The following PCDH15 variants were observed in gnomAD, a reference collection of about 807,000 sequenced individuals.
PCDH15 encodes the protein protocadherin related 15, also known as protocadherin-15.
Under a neutral mutation model 178.5 loss-of-function variants are expected in PCDH15, and 129 were observed. The ratio of observed to expected loss-of-function variants is 0.72; its 90% CI spans 0.63 to 0.84. The LOEUF is 0.84. PCDH15 is among the 40% of genes least tolerant of loss of function. The pLI is 0.00. For synonymous variants in PCDH15, 800 were observed against 732.0 expected, an observed-to-expected ratio of 1.09 and a Z score of -1.50; for missense variants, 2,230 against 2,099.9, an observed-to-expected ratio of 1.06 and a Z score of -1.21.
At chr10:54,818,980 T>A (rs1018935941) in intron 3 of PCDH15, among the ~76,000 whole-genome samples, 1 of 152,026 alleles carries the variant, frequency 6.6e-6, no homozygotes, top group Non-Finnish European at 1.5e-5. Flanking sequence ...ACTGAAGAGC[T>A]GTGGGGTGAT....
chr10:54,258,028 G>A (rs928658192), intron 8 of PCDH15, among the ~76,000 whole-genome samples: 1 of 152,008 alleles, frequency 6.6e-6, no homozygotes, highest in Non-Finnish European at 1.5e-5. Context: ...AAAATCAGAT[G>A]TTTAACATGT....
chr10:53,903,398 T>A (rs760187137), intron 25 of PCDH15, 28 bp from the exon 26 acceptor site: 3 of 1,609,954 alleles, frequency 1.9e-6, no homozygotes, highest in South Asian at 2.2e-5. Flanking sequence ...ATGCATTTTT[T>A]ATTGGTGGTT....
intron 1 of PCDH15, among the ~76,000 whole-genome samples, chr10:54,764,835 A>G (rs1948315510): frequency 6.6e-6 from 1 of 152,188 alleles, no homozygotes; most frequent in Non-Finnish European, 1.5e-5. Context: ...TAAATGAGAT[A>G]AGAAGCAACT....
intron 15 of PCDH15, among the ~76,000 whole-genome samples, chr10:54,128,801 A>G (rs917745778): frequency 6.6e-6 from 1 of 152,190 alleles, no homozygotes. Context: ...TGAGGAAAAT[A>G]GTCAATTCAT....
At chr10:55,136,905 G>A (rs1329524223) in intron 2 of PCDH15, among the ~76,000 whole-genome samples, 10 of 152,102 alleles carry the variant, frequency 6.6e-5, no homozygotes, top group Admixed American at 6.6e-4. Context: ...CTTCAGTTCT[G>A]CAAAGTGCCT....
At chr10:54,344,979 T>TTATTA (rs1554915310) in intron 6 of PCDH15, among the ~76,000 whole-genome samples, 1 of 142,592 alleles carries the variant, frequency 7.0e-6, no homozygotes, top group Non-Finnish European at 1.5e-5. Flanking sequence ...TATATATATA[T>TTATTA]TATATATATA....
intron 3 of PCDH15, among the ~76,000 whole-genome samples, chr10:54,886,132 G>A (rs1954354027): frequency 6.8e-6 from 1 of 147,712 alleles, no homozygotes; most frequent in South Asian, 2.1e-4. Flanking sequence ...CACAAATATA[G>A]AGACAGATTA....
chr10:53,865,481 A>G (rs2079384190), intron 27 of PCDH15, among the ~76,000 whole-genome samples: 2 of 152,176 alleles, frequency 1.3e-5, no homozygotes, highest in Admixed American at 1.3e-4. Context: ...GGAGGTTATA[A>G]AGGTAATGGC....
At chr10:54,243,435 A>G (rs1420329114) in intron 8 of PCDH15, among the ~76,000 whole-genome samples, 2 of 152,166 alleles carry the variant, frequency 1.3e-5, no homozygotes, top group African/African-American at 4.8e-5. Context: ...TGAACCTGGG[A>G]GGCGGAGCTT....
intron 1 of PCDH15, among the ~76,000 whole-genome samples, chr10:54,781,999 C>T (rs1950404721): frequency 6.6e-6 from 1 of 152,022 alleles, no homozygotes; most frequent in South Asian, 2.1e-4. Context: ...TTCAAATAGG[C>T]TTGTAAGTCT....
upstream of PCDH15, among the ~76,000 whole-genome samples, chr10:54,804,290 C>T (rs547352581): frequency 6.6e-6 from 1 of 152,258 alleles, no homozygotes; most frequent in Non-Finnish European, 1.5e-5. Flanking sequence ...CCTCCCGCCT[C>T]GGCCTCCCAA....
At chr10:54,055,660 A>T (rs755565613) in intron 18 of PCDH15, among the ~76,000 whole-genome samples, 24 of 151,992 alleles carry the variant, frequency 1.6e-4, no homozygotes, top group Non-Finnish European at 2.5e-4. Context: ...TCCTACCTCC[A>T]CTTCCCTCCC....
intron 15 of PCDH15, among the ~76,000 whole-genome samples, chr10:54,116,265 T>G (rs1590570017): frequency 6.8e-6 from 1 of 146,362 alleles, no homozygotes; most frequent in Non-Finnish European, 1.5e-5. Flanking sequence ...GCCATTTGAG[T>G]GGATTAATGT....
At chr10:55,185,525 A>G (rs1839772739) in intron 1 of PCDH15, among the ~76,000 whole-genome samples, 1 of 151,828 alleles carries the variant, frequency 6.6e-6, no homozygotes, top group Non-Finnish European at 1.5e-5. Flanking sequence ...TAGGAGGAAG[A>G]GAAATATCAG....
At chr10:55,150,671 T>A (rs1185970263) in intron 2 of PCDH15, among the ~76,000 whole-genome samples, 10 of 152,126 alleles carry the variant, frequency 6.6e-5, no homozygotes, top group African/African-American at 9.7e-5. Flanking sequence ...AATGACAATG[T>A]CATGATATTT....
chr10:55,066,773 G>T (rs552221641), intron 2 of PCDH15, among the ~76,000 whole-genome samples: 15 of 150,152 alleles, frequency 1.0e-4, no homozygotes, highest in South Asian at 2.1e-4. Context: ...AATTACATGA[G>T]GTTTTTATTT....
At chr10:53,821,639 T>C in intron 32 of PCDH15, 1 of 1,305,074 alleles carries the variant, frequency 7.7e-7, no homozygotes, top group African/African-American at 1.5e-5. Flanking sequence ...GAACAAATTA[T>C]GCTACTTTGT....
intron 2 of PCDH15, among the ~76,000 whole-genome samples, chr10:55,033,748 T>C (rs1311971100): frequency 1.3e-5 from 2 of 152,170 alleles, no homozygotes; most frequent in African/African-American, 4.8e-5. Context: ...AATGAATTTT[T>C]TTTAATGTGA....
chr10:54,103,851 C>G (rs1237863193), intron 15 of PCDH15, among the ~76,000 whole-genome samples: 1 of 152,146 alleles, frequency 6.6e-6, no homozygotes, highest in African/African-American at 2.4e-5. Context: ...TATGTTTCTT[C>G]CACCATTATC....
Sources: allele counts gnomAD v4.1 joint callset (sites outside exome capture counted in the v4.1 genomes callset), GRCh38; gene constraint gnomAD v4.1.1; transcripts MANE v1.5; gene names NCBI Gene and HGNC (gene_info 2026-07-23, HGNC 2026-07-21).